The following KATNIP variants were observed in gnomAD, a reference collection of about 807,000 sequenced individuals.
KATNIP encodes katanin interacting protein, also known as katanin-interacting protein.
Under a neutral mutation model 174.0 loss-of-function variants are expected in KATNIP, and 126 were observed. The observed-to-expected ratio is 0.72, with a 90% CI of 0.63 to 0.84. The LOEUF (loss-of-function observed/expected upper bound fraction) is 0.84. Among genes scored for constraint, KATNIP ranks in the 40% least tolerant of loss-of-function variants. The pLI, the probability that KATNIP is intolerant of heterozygous loss-of-function variation, is 0.00. For synonymous variants in KATNIP, 810 were observed against 835.7 expected, an observed-to-expected ratio of 0.97 and a Z score of 0.53; for missense variants, 1,958 against 2,109.7, an observed-to-expected ratio of 0.93 and a Z score of 1.41.
intron 2 of KATNIP, among the ~76,000 whole-genome samples, chr16:27,612,673 C>T (rs568618638): frequency 2.6e-5 from 4 of 152,122 alleles, no homozygotes; most frequent in Admixed American, 1.3e-4. Context: ...ACAGGAGAAT[C>T]GCTTGAACCC....
intron 13 of KATNIP, among the ~76,000 whole-genome samples, chr16:27,717,438 G>C (rs573914838): frequency 6.6e-5 from 10 of 152,066 alleles, no homozygotes; most frequent in Non-Finnish European, 1.3e-4. Flanking sequence ...TAAAATAGCT[G>C]TTCCATGGGC....
chr16:27,770,326 T>A (rs2082256230), intron 21 of KATNIP, among the ~76,000 whole-genome samples: 2 of 152,220 alleles, frequency 1.3e-5, no homozygotes, highest in Non-Finnish European at 2.9e-5. Flanking sequence ...CCGGCCAGTT[T>A]GGGGAAGGGC....
intron 27 of KATNIP, 62 bp from the exon 28 acceptor site, chr16:27,778,512 G>A: frequency 1.3e-6 from 2 of 1,537,170 alleles, no homozygotes; most frequent in Admixed American, 1.7e-5. Flanking sequence ...TGGGGAGTGT[G>A]GGGCACCCCT....
At chr16:27,675,846 C>T (rs1009573330) in intron 6 of KATNIP, among the ~76,000 whole-genome samples, 6 of 152,220 alleles carry the variant, frequency 3.9e-5, no homozygotes, top group Admixed American at 1.3e-4. Flanking sequence ...AAAATCCCCT[C>T]TCTGTCCTGG....
chr16:27,655,186 A>G (rs1299146224), intron 6 of KATNIP, among the ~76,000 whole-genome samples: 1 of 25,512 alleles, frequency 3.9e-5, no homozygotes, highest in Non-Finnish European at 7.0e-5. Flanking sequence ...GGATATATAT[A>G]TATATATATA....
intron 15 of KATNIP, among the ~76,000 whole-genome samples, chr16:27,747,691 T>G (rs2081342730): frequency 8.1e-6 from 1 of 123,022 alleles, no homozygotes. Flanking sequence ...GAAGGGGAAG[T>G]GGAGTTTGAG....
intron 6 of KATNIP, chr16:27,654,779 T>C (rs755771675): frequency 7.7e-5 from 104 of 1,348,968 alleles, no homozygotes; most frequent in Non-Finnish European, 1.0e-4. Flanking sequence ...GGGCTGGGGA[T>C]CTTTTCCGTA....
rs761267444 is a variant in KATNIP, at chr16:27,740,123, G to A, written c.1826G>A (p.Arg609Lys). The A allele has an allele frequency of 6.2e-7, 1 of 1,614,188 alleles. No individual in the cohort carries two copies. The highest frequency in any genetic ancestry group is 1.1e-5 in the South Asian group (1 of 91,072). ...IFNGKLDKGD[R>K]EAPADHSILV... ...AATGGCAAGTTAGACAAAGGAGATA[G>A]GGAGGCCCCAGCTGACCACAGCATC... The change falls in exon 15 of 28, where the codon AGG becomes AAG. Residue 609 changes from arginine (R) to lysine (K), a missense_variant. Physicochemically the swap from Arg to Lys is conservative, Grantham distance 26 (BLOSUM62 2). Coordinates refer to ENST00000261588, the MANE Select transcript of KATNIP (RefSeq NM_015202.5).
chr16:27,628,460 A>G, intron 3 of KATNIP: 1 of 579,762 alleles, frequency 1.7e-6, no homozygotes, highest in South Asian at 2.1e-5. Context: ...GTAGGGCCCC[A>G]AACTGTCTGC....
intron 20 of KATNIP, 30 bp downstream of exon 20, chr16:27,766,504 T>C (rs1022306996): frequency 1.3e-6 from 2 of 1,595,552 alleles, no homozygotes; most frequent in African/African-American, 2.7e-5. Flanking sequence ...CCGTGCTCAG[T>C]CCAGCATCAG....
intron 13 of KATNIP, among the ~76,000 whole-genome samples, chr16:27,715,809 G>A (rs988438636): frequency 1.3e-5 from 2 of 152,196 alleles, no homozygotes; most frequent in African/African-American, 4.8e-5. Context: ...TGGTGAGCAT[G>A]TGGAGAAATT....
intron 8 of KATNIP, among the ~76,000 whole-genome samples, chr16:27,697,992 AG>A (rs1362502702): frequency 6.6e-6 from 1 of 152,204 alleles, no homozygotes; most frequent in East Asian, 1.9e-4. Context: ...ACATAACCAC[AG>A]TACACTAACA....
At chr16:27,773,990 G>A (rs1048124826) in intron 23 of KATNIP, among the ~76,000 whole-genome samples, 1 of 152,176 alleles carries the variant, frequency 6.6e-6, no homozygotes, top group South Asian at 2.1e-4. Context: ...GAGAGATTGA[G>A]TAACTTGCCT....
chr16:27,564,715 G>A (rs1165548642), intron 1 of KATNIP, among the ~76,000 whole-genome samples: 1 of 152,062 alleles, frequency 6.6e-6, no homozygotes. Flanking sequence ...GGGAATGAAG[G>A]GAAGGGGTGT....
chr16:27,715,775 A>T (rs1013368821), intron 13 of KATNIP, among the ~76,000 whole-genome samples: 1 of 152,202 alleles, frequency 6.6e-6, no homozygotes, highest in Non-Finnish European at 1.5e-5. Flanking sequence ...TGTAATTTTA[A>T]AAAAGAAAAG....
At chr16:27,599,862 C>G (rs2075458254) in intron 2 of KATNIP, among the ~76,000 whole-genome samples, 1 of 152,204 alleles carries the variant, frequency 6.6e-6, no homozygotes, top group South Asian at 2.1e-4. Context: ...TCCCACGTGC[C>G]TGCCTTGTCC....
chr16:27,556,933 CAG>C, intron 1 of KATNIP, among the ~76,000 whole-genome samples: 1 of 152,200 alleles, frequency 6.6e-6, no homozygotes, highest in Non-Finnish European at 1.5e-5. Flanking sequence ...CAGATTTTTT[CAG>C]AGTTCGTTCC....
intron 11 of KATNIP, 103 bp downstream of exon 11, chr16:27,701,798 C>T (rs536133558): frequency 2.3e-4 from 177 of 781,714 alleles, no homozygotes; most frequent in Non-Finnish European, 6.4e-6. Flanking sequence ...TTTCAGACCC[C>T]TTATTTCTTT....
intron 2 of KATNIP, among the ~76,000 whole-genome samples, chr16:27,606,065 G>A (rs2075693573): frequency 6.6e-6 from 1 of 152,176 alleles, no homozygotes; most frequent in South Asian, 2.1e-4. Flanking sequence ...GGGAGGTGGA[G>A]GTTGCAGTGA....
Sources: allele counts gnomAD v4.1 joint callset (sites outside exome capture counted in the v4.1 genomes callset), GRCh38; gene constraint gnomAD v4.1.1; transcripts MANE v1.5; gene names NCBI Gene and HGNC (gene_info 2026-07-23, HGNC 2026-07-21).